The following CLASP1 variants were observed in gnomAD, a reference collection of about 807,000 sequenced individuals.
CLASP1 encodes the protein cytoplasmic linker associated protein 1.
In CLASP1, 38 loss-of-function variants were observed where a neutral mutation model predicts 192.3. That is an observed-to-expected ratio of 0.20 (90% CI 0.15 to 0.26). The LOEUF (loss-of-function observed/expected upper bound fraction) is 0.26. Ranked by LOEUF, CLASP1 falls within the 10% of genes least tolerant of loss-of-function variation. CLASP1 has a pLI of 1.00. For missense variants in CLASP1, 1,433 were observed against 1,932.5 expected, an observed-to-expected ratio of 0.74 and a Z score of 4.85; for synonymous variants, 691 against 712.8, an observed-to-expected ratio of 0.97 and a Z score of 0.49.
rs550008777 is a variant in CLASP1 at position 121,597,868 on chromosome 2, TC to T, written c.195+7832del. On this transcript the variant is annotated intron_variant, in intron 2 of 39. Coordinates refer to ENST00000263710, the Ensembl canonical transcript of CLASP1. ...ACCTGAGAAAGCTGCGTAGCATAAG[TC>T]CCCCCCCAATTCCCTCCAGTTGCAT... is the stretch of plus-strand genomic sequence containing the variant. 4.0e-5 allele frequency among the ~76,000 whole-genome samples: 6 copies of T among 151,246 alleles called. No homozygotes were observed. In the South Asian group the frequency reaches 1.3e-3, roughly 32 times the overall value.
chr2:121,625,741 G>C (rs1172576406), intron 1 of CLASP1, among the ~76,000 whole-genome samples: 3 of 151,514 alleles, frequency 2.0e-5, no homozygotes. Context: ...GCCTGCTTGA[G>C]AAATTTTCTA....
intron 11 of CLASP1, 105 bp downstream of exon 11, chr2:121,460,996 T>C: frequency 1.5e-6 from 1 of 684,258 alleles, no homozygotes; most frequent in Non-Finnish European, 2.5e-6. Flanking sequence ...ACTTAAAATA[T>C]GTACTATTTA....
At chr2:121,577,573 T>C (rs1239129620) in intron 2 of CLASP1, among the ~76,000 whole-genome samples, 1 of 152,120 alleles carries the variant, frequency 6.6e-6, no homozygotes, top group African/African-American at 2.4e-5. Context: ...GGAGGTAATG[T>C]ATTAGGCAAG....
chr2:121,565,696 C>T (rs1251204881), intron 2 of CLASP1, among the ~76,000 whole-genome samples: 5 of 152,200 alleles, frequency 3.3e-5, no homozygotes, highest in South Asian at 4.1e-4. Context: ...TTCACTAGGC[C>T]GCTCCAATTC....
chr2:121,465,560 AGG>A, intron 9 of CLASP1, among the ~76,000 whole-genome samples: 1 of 152,342 alleles, frequency 6.6e-6, no homozygotes. Flanking sequence ...GCTCATGGGT[AGG>A]AAGAATCAAT....
chr2:121,578,422 CAAAAAAAA>C (rs70954557), intron 2 of CLASP1, among the ~76,000 whole-genome samples: 1 of 65,726 alleles, frequency 1.5e-5, no homozygotes, highest in African/African-American at 5.0e-5. Context: ...AGACTATCTC[CAAAAAAAA>C]AAAAAAAAAA....
intron 6 of CLASP1, among the ~76,000 whole-genome samples, chr2:121,521,730 G>A (rs1450725904): frequency 2.0e-5 from 3 of 152,170 alleles, no homozygotes; most frequent in South Asian, 2.1e-4. Flanking sequence ...TTTGTTAGCC[G>A]CTGCCTGAAG....
chr2:121,622,567 C>CAAA (rs60748257), intron 1 of CLASP1, among the ~76,000 whole-genome samples: 11 of 134,022 alleles, frequency 8.2e-5, no homozygotes, highest in African/African-American at 2.1e-4. Flanking sequence ...GACCCTGTCT[C>CAAA]AAAAAAAAAA....
intron 23 of CLASP1, among the ~76,000 whole-genome samples, chr2:121,415,890 A>G (rs2078488534): frequency 6.6e-6 from 1 of 152,246 alleles, no homozygotes; most frequent in Non-Finnish European, 1.5e-5. Context: ...GGTATTAAAT[A>G]GCAAAGATTA....
chr2:121,490,252 G>A (rs1172664472), intron 8 of CLASP1: 2 of 448,842 alleles, frequency 4.5e-6, no homozygotes, highest in Non-Finnish European at 8.9e-6. Flanking sequence ...ACACTTTTCA[G>A]AATATATTAG....
chr2:121,522,887 A>G (rs190369135), intron 6 of CLASP1, among the ~76,000 whole-genome samples: 1 of 152,346 alleles, frequency 6.6e-6, no homozygotes, highest in Admixed American at 6.5e-5. Context: ...CCACTGGCAC[A>G]TGGTAGGTGC....
At chr2:121,517,962 G>A (rs1273319322) in intron 6 of CLASP1, among the ~76,000 whole-genome samples, 1 of 144,788 alleles carries the variant, frequency 6.9e-6, no homozygotes, top group Non-Finnish European at 1.5e-5. Flanking sequence ...CCAGGCAGGC[G>A]AGTTTAAGTT....
rs745661398 is a variant in CLASP1, at chr2:121,407,730, G to A, written c.2425-15C>T. 2.7e-5 allele frequency: 43 copies of A among 1,613,610 alleles called. No individual in the cohort carries two copies. The highest frequency in any genetic ancestry group is 2.4e-5 in the Non-Finnish European group (28 of 1,179,712). ...ACAGGCTTCTTCTGACAGGTCCAAT[G>A]AGGGATGGGAGTGATTGAGGAAGAA... On this transcript the variant is annotated splice_polypyrimidine_tract_variant and intron_variant, in intron 24 of 39. Transcript: ENST00000263710.
At chr2:121,421,858 A>G (rs2079560526) in intron 22 of CLASP1, among the ~76,000 whole-genome samples, 1 of 152,208 alleles carries the variant, frequency 6.6e-6, no homozygotes, top group South Asian at 2.1e-4. Context: ...TAAGTATATA[A>G]ATGACTTTTT....
At chr2:121,551,876 A>T (rs547842803) in intron 2 of CLASP1, among the ~76,000 whole-genome samples, 1 of 152,348 alleles carries the variant, frequency 6.6e-6, no homozygotes, top group South Asian at 2.1e-4. Context: ...AACCAGAAAA[A>T]AAGCCCAAAT....
intron 2 of CLASP1, among the ~76,000 whole-genome samples, chr2:121,538,144 G>A (rs927973114): frequency 9.2e-5 from 14 of 152,254 alleles, no homozygotes; most frequent in Middle Eastern, 3.4e-3. Flanking sequence ...GCCAGGTGTG[G>A]TGGCTCAGCC....
Position 121,536,336 on chromosome 2 carries a change from G to A in CLASP1, c.196-6011C>T, listed in dbSNP as rs1003771854. Among the ~76,000 whole-genome samples the A allele has an allele frequency of 1.8e-3, 241 of 136,272 alleles. 1 individual carries two copies. Among genetic ancestry groups the A allele is most frequent in the Non-Finnish European group, 2.7e-3 (175 of 65,856 alleles). 89.4% of individuals were successfully genotyped at this position (136,272 alleles called of 152,430 possible). ...GCGGAGCTTGCAGTGAGCCGAGATT[G>A]TGCCACTGCACTCCAGCCTGGGCGA... On this transcript the variant is annotated intron_variant, in intron 2 of 39. Coordinates refer to ENST00000263710, the Ensembl canonical transcript of CLASP1.
At chr2:121,590,318 T>C (rs959716272) in intron 2 of CLASP1, among the ~76,000 whole-genome samples, 14 of 152,154 alleles carry the variant, frequency 9.2e-5, no homozygotes, top group Non-Finnish European at 1.5e-4. Flanking sequence ...ACAGGGATGA[T>C]CAAGTGCAGT....
At chr2:121,648,439 C>T (rs1398204125) in intron 1 of CLASP1, among the ~76,000 whole-genome samples, 5 of 152,202 alleles carry the variant, frequency 3.3e-5, no homozygotes, top group Non-Finnish European at 7.3e-5. Flanking sequence ...CCCCACTACA[C>T]AGAAACTCAC....
Sources: gnomAD v4.1 joint callset for allele counts (sites outside exome capture counted in the v4.1 genomes callset) on GRCh38, gnomAD v4.1.1 for gene constraint, MANE v1.5 for transcripts, NCBI Gene and HGNC (gene_info 2026-07-23, HGNC 2026-07-21) for gene names.